Variants in SYT16 observed in about 807,000 individuals in gnomAD.
SYT16 encodes the protein synaptotagmin 16, also known as synaptotagmin-16.
SYT16 carries 42 observed loss-of-function variants against 61.4 expected under a neutral mutation model. That is an observed-to-expected ratio of 0.68 (90% CI 0.53 to 0.89). The LOEUF (loss-of-function observed/expected upper bound fraction) is 0.89, where lower values mean the gene tolerates loss of function less well. Ranked by LOEUF, SYT16 falls within the 40% of genes least tolerant of loss-of-function variation. SYT16 has a pLI of 0.00. For missense variants in SYT16, 804 were observed against 807.3 expected, an observed-to-expected ratio of 1.00 and a Z score of 0.05; for synonymous variants, 314 against 302.3, an observed-to-expected ratio of 1.04 and a Z score of -0.40.
chr14:61,845,431 T>C (rs1412716050), intron 1 of SYT16, among the ~76,000 whole-genome samples: 1 of 152,194 alleles, frequency 6.6e-6, no homozygotes, highest in Non-Finnish European at 1.5e-5. Context: ...TGGTAGGTTG[T>C]ATGTGTCTAG....
intron 7 of SYT16, among the ~76,000 whole-genome samples, chr14:62,091,998 A>G (rs1294015658): frequency 6.6e-6 from 1 of 152,192 alleles, no homozygotes; most frequent in African/African-American, 2.4e-5. Flanking sequence ...CTAAAACTCA[A>G]CAACAAAACA....
intron 3 of SYT16, among the ~76,000 whole-genome samples, chr14:62,044,881 T>G (rs2054902857): frequency 6.6e-6 from 1 of 152,202 alleles, no homozygotes; most frequent in Non-Finnish European, 1.5e-5. Flanking sequence ...GGCTCACGCC[T>G]GTAATTCTAG....
At chr14:62,027,259 C>G (rs1447063637) in intron 3 of SYT16, among the ~76,000 whole-genome samples, 2 of 152,148 alleles carry the variant, frequency 1.3e-5, no homozygotes, top group Admixed American at 1.3e-4. Flanking sequence ...TCAGCCTTGA[C>G]CATGTTATGT....
chr14:61,895,839 T>C (rs984517187), intron 1 of SYT16, among the ~76,000 whole-genome samples: 3 of 152,224 alleles, frequency 2.0e-5, no homozygotes, highest in African/African-American at 4.8e-5. Flanking sequence ...TTAAGGTACA[T>C]TTATTCTGCA....
At chr14:62,047,111 ATTGTATTGTATC>A (rs1172578221) in intron 3 of SYT16, among the ~76,000 whole-genome samples, 1 of 151,994 alleles carries the variant, frequency 6.6e-6, no homozygotes, top group Non-Finnish European at 1.5e-5. Flanking sequence ...ATCCTCTTTC[ATTGTATTGTATC>A]TTGTATTGTA....
At chr14:62,020,003 T>A (rs988607576) in intron 3 of SYT16, among the ~76,000 whole-genome samples, 2 of 152,214 alleles carry the variant, frequency 1.3e-5, no homozygotes, top group Non-Finnish European at 2.9e-5. Context: ...AATAAAGAAA[T>A]CCTTTCAGGT....
At chr14:62,044,811 C>T (rs2054899602) in intron 3 of SYT16, among the ~76,000 whole-genome samples, 1 of 152,128 alleles carries the variant, frequency 6.6e-6, no homozygotes, top group Non-Finnish European at 1.5e-5. Flanking sequence ...AGAACCAGTC[C>T]TCTGCATATA....
intron 1 of SYT16, among the ~76,000 whole-genome samples, chr14:61,813,800 A>G (rs1265226422): frequency 6.9e-6 from 1 of 144,900 alleles, no homozygotes; most frequent in Non-Finnish European, 1.5e-5. Flanking sequence ...GCCCTTTGGA[A>G]GGTATTTTTT....
chr14:61,828,730 CAT>C (rs2045849306), intron 1 of SYT16, among the ~76,000 whole-genome samples: 1 of 152,198 alleles, frequency 6.6e-6, no homozygotes, highest in Admixed American at 6.5e-5. Flanking sequence ...ATACCATAAA[CAT>C]ATAAATTTGA....
At chr14:62,088,152 G>A (rs1415729074) in intron 7 of SYT16, among the ~76,000 whole-genome samples, 1 of 152,184 alleles carries the variant, frequency 6.6e-6, no homozygotes, top group Admixed American at 6.5e-5. Context: ...AAAGACCCAT[G>A]CAAGAATGTT....
intron 1 of SYT16, among the ~76,000 whole-genome samples, chr14:61,813,705 G>A (rs1216982431): frequency 1.3e-5 from 2 of 152,016 alleles, no homozygotes; most frequent in South Asian, 4.1e-4. Flanking sequence ...GTGCGAGGCT[G>A]CTGTGAGCTA....
At chr14:62,064,334 GAAA>G (rs781727444) in intron 3 of SYT16, among the ~76,000 whole-genome samples, 27 of 42,992 alleles carry the variant, frequency 6.3e-4, no homozygotes, top group Admixed American at 3.9e-3. Context: ...CTTTAAATTT[GAAA>G]AAAAAAAAAA....
At chr14:62,073,964 G>A (rs1350123985) in intron 4 of SYT16, among the ~76,000 whole-genome samples, 1 of 152,148 alleles carries the variant, frequency 6.6e-6, no homozygotes, top group Non-Finnish European at 1.5e-5. Flanking sequence ...GAAAACAATT[G>A]CTACCATACA....
At chr14:61,932,776 C>G (rs934581765) in intron 1 of SYT16, among the ~76,000 whole-genome samples, 4 of 152,162 alleles carry the variant, frequency 2.6e-5, no homozygotes, top group Admixed American at 2.6e-4. Context: ...AACTTATCTG[C>G]TCATGAGATT....
chr14:62,094,306 G>A (rs898286133), intron 7 of SYT16, among the ~76,000 whole-genome samples: 9 of 152,030 alleles, frequency 5.9e-5, no homozygotes, highest in Non-Finnish European at 1.2e-4. Flanking sequence ...TTCCAGCCAG[G>A]GCTGAATTTC....
chr14:61,928,999 A>G (rs2049651231), intron 1 of SYT16, among the ~76,000 whole-genome samples: 1 of 152,208 alleles, frequency 6.6e-6, no homozygotes, highest in South Asian at 2.1e-4. Flanking sequence ...GAGCAAGAAC[A>G]TTGCTAAATA....
intron 3 of SYT16, among the ~76,000 whole-genome samples, chr14:62,013,320 G>C (rs556165557): frequency 3.6e-4 from 55 of 152,260 alleles, no homozygotes; most frequent in African/African-American, 1.3e-3. Flanking sequence ...TGTCCCAAAG[G>C]GGGTTGAAGT....
At chr14:61,842,492 C>G (rs1389172128) in intron 1 of SYT16, among the ~76,000 whole-genome samples, 2 of 152,156 alleles carry the variant, frequency 1.3e-5, no homozygotes, top group African/African-American at 4.8e-5. Flanking sequence ...CATGTTTTTG[C>G]AGATGACAGG....
intron 1 of SYT16, among the ~76,000 whole-genome samples, chr14:61,936,784 C>T (rs11625130): frequency 0.034 from 5,207 of 152,260 alleles, 133 homozygotes; most frequent in Non-Finnish European, 0.056. Context: ...GTCACAAGCC[C>T]AGGTACCATC....
Sources: allele counts gnomAD v4.1 joint callset (sites outside exome capture counted in the v4.1 genomes callset), GRCh38; gene constraint gnomAD v4.1.1; transcripts MANE v1.5; gene names NCBI Gene and HGNC (gene_info 2026-07-23, HGNC 2026-07-21).